The following DNAI4 variants were observed in gnomAD, a reference collection of about 807,000 sequenced individuals.
The protein encoded by DNAI4 is dynein axonemal intermediate chain 4.
In DNAI4, 85 loss-of-function variants were observed where a neutral mutation model predicts 105.8. The observed-to-expected ratio is 0.80, with a 90% confidence interval of 0.67 to 0.96. The LOEUF is 0.96. Ranked by LOEUF, DNAI4 falls within the 40% of genes least tolerant of loss-of-function variation. The pLI, the probability that DNAI4 is intolerant of heterozygous loss-of-function variation, is 0.00. For missense variants in DNAI4, 1,014 were observed against 1,005.6 expected, an observed-to-expected ratio of 1.01 and a Z score of -0.11; for synonymous variants, 352 against 331.5, an observed-to-expected ratio of 1.06 and a Z score of -0.67.
Position 66,862,155 on chromosome 1 carries a change from G to C in DNAI4, c.1088C>G (p.Thr363Arg). ...DQDQRLPGST[T>R]EKNSETSSLM... ...AATAAATGAAATCTTACTTTTTTCT[G>C]TAGTGCTCCCTGGCAATCTTTGGTC... Residue 363 changes from threonine to arginine, a missense_variant, in exon 7 of 17, where the codon ACA becomes AGA. By Grantham distance (71) the Thr-to-Arg change is moderately conservative. Transcript: ENST00000371026. The C allele has an allele frequency of 1.3e-6, 2 of 1,571,698 alleles. No individual in the cohort carries two copies. Among genetic ancestry groups the C allele is most frequent in the African/African-American group, 1.4e-5 (1 of 72,060 alleles).
At chr1:66,885,767 C>T (rs780301610) in intron 4 of DNAI4, among the ~76,000 whole-genome samples, 1 of 152,100 alleles carries the variant, frequency 6.6e-6, no homozygotes, top group Non-Finnish European at 1.5e-5. Flanking sequence ...TTTTTTCCTT[C>T]TGGCTTCCGT....
At chr1:66,912,612 C>A (rs1157718524) in intron 1 of DNAI4, among the ~76,000 whole-genome samples, 1 of 152,116 alleles carries the variant, frequency 6.6e-6, no homozygotes, top group Non-Finnish European at 1.5e-5. Context: ...ATGTCTCATG[C>A]CTCCCGACAA....
intron 10 of DNAI4, among the ~76,000 whole-genome samples, chr1:66,836,307 AGAAAGAAAGAAAGAAAGAAG>A (rs1414176867): frequency 9.4e-4 from 129 of 137,454 alleles, no homozygotes; most frequent in African/African-American, 3.2e-3. Flanking sequence ...AAAGAAAGAA[AGAAAGAAAGAAAGAAAGAAG>A]GAAAGAGGGA....
At chr1:66,912,039 G>T (rs2985811) in intron 1 of DNAI4, among the ~76,000 whole-genome samples, 118,176 of 151,782 alleles carry the variant, frequency 0.78, 46,335 homozygotes, top group East Asian at 0.88. Context: ...ACAGGTTTTT[G>T]GCACATTGGT....
intron 16 of DNAI4, among the ~76,000 whole-genome samples, chr1:66,817,489 C>T (rs1237584092): frequency 1.3e-5 from 2 of 151,976 alleles, no homozygotes; most frequent in Non-Finnish European, 2.9e-5. Context: ...GGGACAATTG[C>T]TTGATCCCAA....
At chr1:66,912,906 T>A (rs1244796572) in intron 1 of DNAI4, among the ~76,000 whole-genome samples, 1 of 152,162 alleles carries the variant, frequency 6.6e-6, no homozygotes, top group Non-Finnish European at 1.5e-5. Context: ...GAGCACCCCC[T>A]TCAGAGAATC....
At chr1:66,870,495 A>G (rs1434928462) in intron 6 of DNAI4, among the ~76,000 whole-genome samples, 1 of 150,744 alleles carries the variant, frequency 6.6e-6, no homozygotes, top group Non-Finnish European at 1.5e-5. Flanking sequence ...TCATGCCTGT[A>G]ATCCCAGCAC....
chr1:66,866,958 T>A (rs1569651897), intron 6 of DNAI4, among the ~76,000 whole-genome samples: 1 of 152,122 alleles, frequency 6.6e-6, no homozygotes, highest in Admixed American at 6.6e-5. Context: ...TGGCAGCAGG[T>A]GAGAAAAGCG....
intron 1 of DNAI4, among the ~76,000 whole-genome samples, 161 bp downstream of exon 1, chr1:66,924,501 G>C (rs1650974642): frequency 6.6e-6 from 1 of 152,220 alleles, no homozygotes; most frequent in African/African-American, 2.4e-5. Context: ...GACTGCGGTA[G>C]GTCGATAAAG....
At chr1:66,889,023 T>A (rs72671685) in intron 4 of DNAI4, among the ~76,000 whole-genome samples, 20,977 of 152,194 alleles carry the variant, frequency 0.14, 1,590 homozygotes, top group Middle Eastern at 0.21. Context: ...TGGGGGAGGT[T>A]ATGACAATAA....
chr1:66,882,975 GCTTT>G (rs767435280), intron 4 of DNAI4, among the ~76,000 whole-genome samples: 39 of 151,704 alleles, frequency 2.6e-4, no homozygotes, highest in Admixed American at 4.6e-4. Context: ...CTGTTTTGAG[GCTTT>G]CTGTGTATAG....
chr1:66,838,233 T>C (rs1480723979), intron 9 of DNAI4, among the ~76,000 whole-genome samples: 2 of 152,218 alleles, frequency 1.3e-5, no homozygotes, highest in Non-Finnish European at 2.9e-5. Context: ...TCCAATATGA[T>C]TGTATGTGGA....
At chr1:66,846,541 A>T (rs886263245) in intron 8 of DNAI4, among the ~76,000 whole-genome samples, 1 of 152,236 alleles carries the variant, frequency 6.6e-6, no homozygotes, top group Non-Finnish European at 1.5e-5. Context: ...GGATTACCAG[A>T]TAAGTCTAAA....
In DNAI4 at chr1:66,924,813, A is replaced by C; in HGVS notation, c.19T>G (p.Ser7Ala). MTPGKHSGASARAANGG... is the reference protein window; with the variant it reads MTPGKHAGASARAANGG... ...TTAGCGGCTCGGGCCGAGGCTCCGG[A>C]ATGTTTGCCGGGCGTCATGGCGACG... The change falls in exon 1 of 17, where the codon TCC (serine) becomes GCC (alanine). Residue 7 changes from serine to alanine, a missense_variant. Physicochemically the swap from Ser to Ala is moderately conservative, Grantham distance 99 (BLOSUM62 1). Coordinates refer to ENST00000371026, the MANE Select transcript of DNAI4 (RefSeq NM_024763.5). The C allele has an allele frequency of 6.2e-7, 1 of 1,613,980 alleles. No individual in the cohort carries two copies. The highest frequency in any genetic ancestry group is 8.5e-7 in the Non-Finnish European group (1 of 1,179,964).
intron 16 of DNAI4, among the ~76,000 whole-genome samples, chr1:66,817,960 AG>A (rs35524668): frequency 0.36 from 54,525 of 152,002 alleles, 10,113 homozygotes; most frequent in East Asian, 0.63. Flanking sequence ...CATCTTGGCT[AG>A]TTGTGAAAAT....
At chr1:66,906,193 T>A (rs1411243050) in intron 1 of DNAI4, among the ~76,000 whole-genome samples, 1 of 152,144 alleles carries the variant, frequency 6.6e-6, no homozygotes, top group Non-Finnish European at 1.5e-5. Context: ...AGTGCTAGCA[T>A]TACAGGCATG....
rs1012477347 is a variant in DNAI4, at chr1:66,907,280, T to A, written c.171-1905A>T. 2.6e-5 allele frequency among the ~76,000 whole-genome samples: 4 copies of A among 152,218 alleles called. No homozygotes were observed. In the South Asian group the frequency reaches 8.3e-4, roughly 31 times the overall value. ...TCATACCACAGACTATTCTTCAACC[T>A]CCTTGAGACCTCTAATCACCTGACC... is the stretch of plus-strand genomic sequence containing the variant. On this transcript the variant is annotated intron_variant, in intron 1 of 16. Coordinates refer to ENST00000371026, the MANE Select transcript of DNAI4 (RefSeq NM_024763.5).
chr1:66,898,631 A>G (rs1473479664), intron 2 of DNAI4, among the ~76,000 whole-genome samples: 1 of 152,188 alleles, frequency 6.6e-6, no homozygotes, highest in Non-Finnish European at 1.5e-5. Context: ...AGAGTCCCCC[A>G]CTAGCGAGGA....
At position 66,836,192 on chromosome 1, in the gene DNAI4, GAA is replaced by G. The variant is rs1557908123; in HGVS notation, c.1582-417_1582-416del. On this transcript the variant is annotated intron_variant, in intron 10 of 16. Transcript: ENST00000371026. ...AGAAAGAAAGAAAGAAAGAAAGAAA[GAA>G]AGAAAGAAAGAAAGAGAGAGAGAGA... is the stretch of plus-strand genomic sequence containing the variant. 3.8e-4 allele frequency among the ~76,000 whole-genome samples: 24 copies of G among 62,936 alleles called. 2 individuals carry two copies. The highest frequency in any genetic ancestry group is 6.5e-4 in the Non-Finnish European group (18 of 27,500). 41.3% of individuals were successfully genotyped at this position (62,936 alleles called of 152,430 possible). A position where few individuals can be genotyped will look rare whatever the true frequency, so the allele number is the denominator to read the frequency against.
Sources: gnomAD v4.1 joint callset for allele counts (sites outside exome capture counted in the v4.1 genomes callset) on GRCh38, gnomAD v4.1.1 for gene constraint, MANE v1.5 for transcripts, NCBI Gene and HGNC (gene_info 2026-07-23, HGNC 2026-07-21) for gene names.